LRRC19: variants seen among roughly 807,000 people sequenced by gnomAD.
The protein encoded by LRRC19 is leucine-rich repeat-containing protein 19.
In LRRC19, 33 loss-of-function variants were observed where a neutral mutation model predicts 33.3. The observed-to-expected ratio is 0.99, with a 90% CI of 0.75 to 1.33. The LOEUF is 1.33. Ranked by LOEUF, LRRC19 falls within the 40% of genes most tolerant of loss-of-function variation. LRRC19 has a pLI of 0.00. For missense variants in LRRC19, 463 were observed against 417.3 expected, an observed-to-expected ratio of 1.11 and a Z score of -0.95; for synonymous variants, 184 against 152.3, an observed-to-expected ratio of 1.21 and a Z score of -1.53.
intron 1 of LRRC19, among the ~76,000 whole-genome samples, chr9:27,004,055 T>G (rs995266841): frequency 2.0e-5 from 3 of 151,974 alleles, no homozygotes; most frequent in Non-Finnish European, 4.4e-5. Context: ...AGGATGGGGA[T>G]AGTGAAAGAA....
chr9:26,999,604 A>T lies in LRRC19; in HGVS notation c.81+10T>A. 1 of 1,564,028 alleles carries T rather than the reference A, an allele frequency of 6.4e-7. No individual in the cohort carries two copies. Among genetic ancestry groups the T allele is most frequent in the Non-Finnish European group, 8.7e-7 (1 of 1,145,172 alleles). On this transcript the variant is annotated intron_variant, in intron 2 of 4. Coordinates refer to ENST00000380055, the MANE Select transcript of LRRC19 (RefSeq NM_022901.3). ...AAAATATTTTTACTATTTTGATTGT[A>T]AAAACTTACTCTTTTAGAAGACTGG... is the stretch of plus-strand genomic sequence containing the variant.
intron 1 of LRRC19, among the ~76,000 whole-genome samples, chr9:27,003,629 C>G: frequency 6.6e-6 from 1 of 152,296 alleles, no homozygotes; most frequent in African/African-American, 2.4e-5. Context: ...TAGTGCTAGT[C>G]TGTTCTAGTC....
In LRRC19 at chr9:26,995,376, A is replaced by G. The variant is rs1828088432; in HGVS notation, c.*145T>C. ...GAACCTGCTTGCTCAATATAATGCA[A>G]AGAACATAATTTTATGATATTCATG... On this transcript the variant is annotated 3_prime_UTR_variant, in exon 5 of 5. Coordinates refer to ENST00000380055, the MANE Select transcript of LRRC19 (RefSeq NM_022901.3). 1 of 593,392 alleles carries G rather than the reference A, an allele frequency of 1.7e-6. No homozygotes were observed. Among genetic ancestry groups the G allele is most frequent in the African/African-American group, 1.9e-5 (1 of 53,718 alleles). 36.8% of individuals were successfully genotyped at this position (593,392 alleles called of 1,614,324 possible).
In LRRC19 at chr9:26,995,366, A is replaced by G. The variant is rs1828088082; in HGVS notation, c.*155T>C. On this transcript the variant is annotated 3_prime_UTR_variant, in exon 5 of 5. Coordinates refer to ENST00000380055, the MANE Select transcript of LRRC19 (RefSeq NM_022901.3). The stretch of plus-strand genomic sequence containing the variant: ...TACTGTATTTGAACCTGCTTGCTCA[A>G]TATAATGCAAAGAACATAATTTTAT... 3.5e-6 allele frequency: 2 copies of G among 573,080 alleles called. No homozygotes were observed. The highest frequency in any genetic ancestry group is 2.1e-5 in the South Asian group (1 of 47,184). 35.5% of individuals were successfully genotyped at this position (573,080 alleles called of 1,614,324 possible). A position where few individuals can be genotyped will look rare whatever the true frequency, so the allele number is the denominator to read the frequency against.
chr9:26,993,190 G>A lies in LRRC19; in HGVS notation c.*2331C>T, dbSNP rs1477094595. 6.6e-6 allele frequency: 1 copy of A among 151,966 alleles called. No homozygotes were observed. The highest frequency in any genetic ancestry group is 1.9e-4 in the East Asian group (1 of 5,194). 9.4% of individuals were successfully genotyped at this position (151,966 alleles called of 1,614,324 possible). ...ATTGAATACCCCATATTCAACAGAG[G>A]CCCTTGAATATAAAAGCTTAAGTGT... On this transcript the variant is annotated 3_prime_UTR_variant, in exon 5 of 5. Transcript: ENST00000380055.
In LRRC19 at chr9:26,993,925, T is replaced by C. The variant is rs1828006763; in HGVS notation, c.*1596A>G. On this transcript the variant is annotated 3_prime_UTR_variant, in exon 5 of 5. Transcript: ENST00000380055. Reference sequence around the variant, plus strand: ...GTAAAAGATGTAAATTCTTAATTTCTCTGCATATGAAGGTAAAAATTATAG... The same window carrying C: ...GTAAAAGATGTAAATTCTTAATTTCCCTGCATATGAAGGTAAAAATTATAG... 6.6e-6 allele frequency: 1 copy of C among 152,264 alleles called. No homozygotes were observed. The highest frequency in any genetic ancestry group is 1.5e-5 in the Non-Finnish European group (1 of 68,038). The allele number at this position is 152,264 out of a possible 1,614,324, so 9.4% of individuals were successfully genotyped here. A position where few individuals can be genotyped will look rare whatever the true frequency, so the allele number is the denominator to read the frequency against.
At chr9:27,002,676 G>A (rs1828564427) in intron 1 of LRRC19, among the ~76,000 whole-genome samples, 1 of 152,176 alleles carries the variant, frequency 6.6e-6, no homozygotes, top group African/African-American at 2.4e-5. Context: ...GTACCATGCT[G>A]ATTTGGTTAC....
chr9:27,004,423 A>G (rs1009538587), intron 1 of LRRC19, among the ~76,000 whole-genome samples: 5 of 152,222 alleles, frequency 3.3e-5, no homozygotes, highest in Admixed American at 1.3e-4. Context: ...GATCCATACT[A>G]TCTGTGAGAG....
chr9:26,999,670 G>A lies in LRRC19; in HGVS notation c.25C>T (p.Leu9Phe), dbSNP rs1416307437. The A allele has an allele frequency of 1.2e-6, 2 of 1,609,622 alleles. No homozygotes were observed. Among genetic ancestry groups the A allele is most frequent in the South Asian group, 1.1e-5 (1 of 89,874 alleles). ...AATATCATGGAGAGGGGCCAAAAGA[G>A]GATTGTGATGCCTGTGACTTTCATG... MKVTGITI[L>F]FWPLSMILLS... The change falls in exon 2 of 5, where the codon CTC becomes TTC. Residue 9 changes from leucine (L) to phenylalanine (F), a missense_variant. Transcript: ENST00000380055.
intron 1 of LRRC19, among the ~76,000 whole-genome samples, chr9:27,001,625 A>G (rs1225399334): frequency 6.6e-6 from 1 of 152,032 alleles, no homozygotes. Flanking sequence ...ATATCTATTC[A>G]GTTCTTTTGC....
intron 3 of LRRC19, 79 bp downstream of exon 3, chr9:26,997,649 A>G: frequency 6.9e-7 from 1 of 1,454,446 alleles, no homozygotes; most frequent in Admixed American, 2.3e-5. Context: ...CTTTTCTTTA[A>G]AACGTGATAT....
chr9:26,999,728 TTAAGGA>T, intron 1 of LRRC19, 25 bp from the exon 2 acceptor site: 1 of 1,450,668 alleles, frequency 6.9e-7, no homozygotes, highest in East Asian at 2.3e-5. Flanking sequence ...AGTATTTTCA[TTAAGGA>T]CATTTTTATT....
At chr9:27,001,476 C>T (rs1332641774) in intron 1 of LRRC19, among the ~76,000 whole-genome samples, 1 of 152,080 alleles carries the variant, frequency 6.6e-6, no homozygotes, top group Non-Finnish European at 1.5e-5. Context: ...TCCGTTATTG[C>T]CTGTCATATT....
chr9:26,999,055 C>T (rs1471062927), intron 2 of LRRC19, among the ~76,000 whole-genome samples: 1 of 152,128 alleles, frequency 6.6e-6, no homozygotes, highest in African/African-American at 2.4e-5. Flanking sequence ...CTTAAACTCT[C>T]TGGGTTTAAC....
intron 3 of LRRC19, 67 bp downstream of exon 3, chr9:26,997,661 A>C: frequency 2.0e-6 from 3 of 1,484,376 alleles, no homozygotes; most frequent in Non-Finnish European, 2.7e-6. Flanking sequence ...ACGTGATATG[A>C]GAGATTTTTC....
At chr9:26,996,535 A>G in intron 3 of LRRC19, 36 bp from the exon 4 acceptor site, 2 of 1,285,458 alleles carry the variant, frequency 1.6e-6, no homozygotes, top group Non-Finnish European at 2.0e-6. Flanking sequence ...TAGTATAGAG[A>G]AAAATAATAG....
intron 2 of LRRC19, 95 bp downstream of exon 2, chr9:26,999,519 T>G (rs1354912137): frequency 2.2e-6 from 2 of 904,882 alleles, no homozygotes; most frequent in African/African-American, 3.5e-5. Context: ...TAGGTCAGAT[T>G]TTCTTTGCTT....
At chr9:26,996,027 A>G (rs1211146068) in intron 4 of LRRC19, among the ~76,000 whole-genome samples, 178 bp from the exon 5 acceptor site, 1 of 152,088 alleles carries the variant, frequency 6.6e-6, no homozygotes, top group Non-Finnish European at 1.5e-5. Flanking sequence ...TGTGTTTGCA[A>G]TTTTGTTACC....
chr9:27,001,185 T>A (rs1419426984), intron 1 of LRRC19, among the ~76,000 whole-genome samples: 1 of 152,148 alleles, frequency 6.6e-6, no homozygotes, highest in Admixed American at 6.5e-5. Context: ...ATATGCTACT[T>A]TTTTTTAATC....
Sources: allele counts gnomAD v4.1 joint callset (sites outside exome capture counted in the v4.1 genomes callset), GRCh38; gene constraint gnomAD v4.1.1; transcripts MANE v1.5; gene names NCBI Gene and HGNC (gene_info 2026-07-23, HGNC 2026-07-21).